Variants in PTPRD observed in about 807,000 individuals in gnomAD.
The protein encoded by PTPRD is receptor-type tyrosine-protein phosphatase delta.
Under a neutral mutation model 214.5 loss-of-function variants are expected in PTPRD, and 34 were observed. That is an observed-to-expected ratio of 0.16 (90% confidence interval 0.12 to 0.21). PTPRD has a LOEUF of 0.21. Among genes scored for constraint, PTPRD ranks in the 10% least tolerant of loss-of-function variants. PTPRD has a pLI of 1.00. For missense variants in PTPRD, 2,545 were observed against 2,398.7 expected, an observed-to-expected ratio of 1.06 and a Z score of -1.27; for synonymous variants, 1,128 against 845.7, an observed-to-expected ratio of 1.33 and a Z score of -5.79.
intron 3 of PTPRD, among the ~76,000 whole-genome samples, chr9:10,244,687 T>C (rs896832659): frequency 4.6e-5 from 7 of 152,090 alleles, no homozygotes; most frequent in African/African-American, 1.7e-4. Flanking sequence ...GAAAATATAA[T>C]GGCCCATATG....
intron 5 of PTPRD, among the ~76,000 whole-genome samples, chr9:9,930,978 A>G (rs2086289906): frequency 6.6e-6 from 1 of 152,130 alleles, no homozygotes; most frequent in Non-Finnish European, 1.5e-5. Flanking sequence ...AAATAAAAAT[A>G]TATTTAAATA....
intron 2 of PTPRD, among the ~76,000 whole-genome samples, chr9:10,526,155 C>T (rs1244112740): frequency 6.6e-6 from 1 of 152,028 alleles, no homozygotes; most frequent in African/African-American, 2.4e-5. Flanking sequence ...TGAGGGGCAA[C>T]ACTGCCAACT....
intron 7 of PTPRD, among the ~76,000 whole-genome samples, chr9:9,690,660 G>C (rs906909153): frequency 6.6e-6 from 1 of 151,786 alleles, no homozygotes; most frequent in Non-Finnish European, 1.5e-5. Context: ...TTGAGAGATA[G>C]GGGTCTAGGA....
intron 2 of PTPRD, among the ~76,000 whole-genome samples, chr9:10,345,778 C>A (rs1308240717): frequency 6.6e-6 from 1 of 152,040 alleles, no homozygotes; most frequent in Admixed American, 6.6e-5. Context: ...GGGTATAATC[C>A]CAGTAATGGG....
chr9:9,186,663 T>A (rs56104612), intron 9 of PTPRD, among the ~76,000 whole-genome samples: 30,606 of 125,948 alleles, frequency 0.24, 3,671 homozygotes, highest in Admixed American at 0.36. Context: ...TCTCTCTCTC[T>A]CTCACACACA....
intron 11 of PTPRD, among the ~76,000 whole-genome samples, chr9:8,929,231 T>C (rs1281035925): frequency 6.6e-6 from 1 of 152,142 alleles, no homozygotes; most frequent in East Asian, 1.9e-4. Flanking sequence ...CTATGTTTAA[T>C]AGAAGTAGTG....
chr9:9,393,258 A>G (rs559574384), intron 9 of PTPRD, among the ~76,000 whole-genome samples: 25 of 152,000 alleles, frequency 1.6e-4, no homozygotes, highest in African/African-American at 6.0e-4. Context: ...TTTCTCATTA[A>G]CTCTGGGTTT....
intron 11 of PTPRD, among the ~76,000 whole-genome samples, chr9:8,934,520 A>AATTTATATATATAAATATATAT (rs1567102052): frequency 2.9e-4 from 5 of 17,062 alleles, no homozygotes; most frequent in African/African-American, 1.1e-3. Flanking sequence ...TATATATATA[A>AATTTATATATATAAATATATAT]ATATATATAT....
chr9:9,008,516 GC>G (rs2099492580), intron 11 of PTPRD, among the ~76,000 whole-genome samples: 1 of 151,836 alleles, frequency 6.6e-6, no homozygotes, highest in Non-Finnish European at 1.5e-5. Flanking sequence ...ATGAGCCACC[GC>G]GCCCGGCCTC....
intron 4 of PTPRD, among the ~76,000 whole-genome samples, chr9:9,992,814 G>C (rs560406423): frequency 6.6e-6 from 1 of 151,902 alleles, no homozygotes; most frequent in Non-Finnish European, 1.5e-5. Context: ...ATGGGGAGAG[G>C]GGGGAGGGAT....
At chr9:9,672,102 A>G (rs1314058326) in intron 7 of PTPRD, among the ~76,000 whole-genome samples, 1 of 152,204 alleles carries the variant, frequency 6.6e-6, no homozygotes, top group Non-Finnish European at 1.5e-5. Context: ...TCACTATAGT[A>G]GGGGCAATGC....
At chr9:10,231,462 A>C (rs1352881574) in intron 3 of PTPRD, among the ~76,000 whole-genome samples, 1 of 151,956 alleles carries the variant, frequency 6.6e-6, no homozygotes, top group Non-Finnish European at 1.5e-5. Flanking sequence ...TCTGGTGGTA[A>C]ATTTATGGAA....
intron 3 of PTPRD, among the ~76,000 whole-genome samples, chr9:10,331,683 C>A (rs1295703819): frequency 6.6e-6 from 1 of 151,722 alleles, no homozygotes; most frequent in Non-Finnish European, 1.5e-5. Context: ...TTAAAACTTG[C>A]CACCAAAAAG....
chr9:10,546,238 T>C (rs1040195498), intron 2 of PTPRD, among the ~76,000 whole-genome samples: 1 of 152,034 alleles, frequency 6.6e-6, no homozygotes, highest in Admixed American at 6.6e-5. Context: ...TTCTGGAAAG[T>C]AGCTGTTCTT....
intron 2 of PTPRD, among the ~76,000 whole-genome samples, chr9:10,394,160 A>T (rs1235509593): frequency 2.1e-5 from 3 of 145,086 alleles, no homozygotes; most frequent in Non-Finnish European, 4.5e-5. Flanking sequence ...ATATATATAG[A>T]TATATATACA....
intron 10 of PTPRD, among the ~76,000 whole-genome samples, chr9:9,153,589 A>G (rs2099878680): frequency 6.6e-6 from 1 of 152,246 alleles, no homozygotes; most frequent in African/African-American, 2.4e-5. Context: ...TAACTTATTA[A>G]TGGTAAACAG....
chr9:10,271,467 A>T (rs537853696), intron 3 of PTPRD, among the ~76,000 whole-genome samples: 1 of 99,904 alleles, frequency 1.0e-5, no homozygotes, highest in Admixed American at 9.4e-5. Flanking sequence ...AATATTCTTA[A>T]TTATCTCAAG....
chr9:9,309,812 C>A (rs1275046119), intron 9 of PTPRD, among the ~76,000 whole-genome samples: 1 of 152,136 alleles, frequency 6.6e-6, no homozygotes, highest in Non-Finnish European at 1.5e-5. Flanking sequence ...TTAGAATTTC[C>A]AAACTTATTC....
chr9:10,164,669 T>C (rs961458820), intron 3 of PTPRD, among the ~76,000 whole-genome samples: 7 of 151,600 alleles, frequency 4.6e-5, no homozygotes, highest in Non-Finnish European at 8.9e-5. Context: ...AAGTAAAATA[T>C]CAAAGATTTA....
Sources: allele counts gnomAD v4.1 joint callset (sites outside exome capture counted in the v4.1 genomes callset), GRCh38; gene constraint gnomAD v4.1.1; transcripts MANE v1.5; gene names NCBI Gene and HGNC (gene_info 2026-07-23, HGNC 2026-07-21).